Variants in GRID2 observed in about 807,000 individuals in gnomAD.
GRID2 encodes glutamate ionotropic receptor delta type subunit 2.
Under a neutral mutation model 114.8 loss-of-function variants are expected in GRID2, and 33 were observed. The ratio of observed to expected loss-of-function variants is 0.29; its 90% CI spans 0.22 to 0.38. The LOEUF is 0.38. Ranked by LOEUF, GRID2 falls within the 10% of genes least tolerant of loss-of-function variation. The pLI is 1.00. For synonymous variants in GRID2, 505 were observed against 449.9 expected (o/e 1.12, Z -1.55); for missense variants, 1,184 against 1,257.7 (o/e 0.94, Z 0.89).
At chr4:93,199,004 T>C (rs997059765) in intron 4 of GRID2, among the ~76,000 whole-genome samples, 6 of 152,266 alleles carry the variant, frequency 3.9e-5, no homozygotes, top group African/African-American at 1.4e-4. Context: ...CTGCCAAGGG[T>C]CATTTAGCTA....
chr4:93,068,898 A>G (rs897263528), intron 2 of GRID2, among the ~76,000 whole-genome samples: 3 of 152,064 alleles, frequency 2.0e-5, no homozygotes, highest in African/African-American at 7.2e-5. Context: ...CAGGCTATAC[A>G]GGAAGCATGA....
At chr4:92,411,655 G>GTGTATA in intron 1 of GRID2, among the ~76,000 whole-genome samples, 5 of 84,688 alleles carry the variant, frequency 5.9e-5, no homozygotes, top group African/African-American at 1.8e-4. Context: ...GTGTGTGTGT[G>GTGTATA]TATATATATA....
chr4:93,384,311 A>G (rs1764124124), intron 8 of GRID2, among the ~76,000 whole-genome samples: 1 of 152,136 alleles, frequency 6.6e-6, no homozygotes. Context: ...TTGAAAGAAG[A>G]ATGGTATGTG....
At chr4:93,660,208 TA>T (rs1177187810) in intron 14 of GRID2, among the ~76,000 whole-genome samples, 1 of 152,196 alleles carries the variant, frequency 6.6e-6, no homozygotes, top group Non-Finnish European at 1.5e-5. Context: ...TAATGTCAGT[TA>T]AAATGCTATC....
At chr4:93,744,258 A>T (rs1284645316) in intron 14 of GRID2, among the ~76,000 whole-genome samples, 2 of 152,182 alleles carry the variant, frequency 1.3e-5, no homozygotes, top group African/African-American at 4.8e-5. Flanking sequence ...AGTAGTTTTG[A>T]CTTCCAAGTC....
At chr4:93,769,169 C>T (rs779842144) in intron 14 of GRID2, 41 bp from the exon 15 acceptor site, 2 of 1,606,174 alleles carry the variant, frequency 1.2e-6, no homozygotes, top group East Asian at 2.2e-5. Flanking sequence ...AGGGCGATAA[C>T]TATGTCTGTA....
chr4:92,882,951 C>T (rs1159952154), intron 2 of GRID2, among the ~76,000 whole-genome samples: 5 of 152,110 alleles, frequency 3.3e-5, no homozygotes, highest in Non-Finnish European at 7.4e-5. Flanking sequence ...TGCTGAAGGT[C>T]GGGGTGGCTG....
Position 92,818,806 on chromosome 4 carries a change from G to A in GRID2, c.244+228520G>A, listed in dbSNP as rs113936689. The stretch of plus-strand genomic sequence containing the variant: ...ATATACTCAATGAATTTCTGCCTAT[G>A]GACAACTACCCTTTTGCAATACTTA... On this transcript the variant is annotated intron_variant, in intron 2 of 15. Transcript: ENST00000282020. Among the ~76,000 whole-genome samples, 1,286 of 152,064 alleles carry A rather than the reference G, an allele frequency of 8.5e-3. 21 individuals carry two copies. The highest frequency in any genetic ancestry group is 0.027 in the African/African-American group (1,106 of 41,488).
chr4:93,377,092 A>T (rs1022385415), intron 8 of GRID2, among the ~76,000 whole-genome samples: 1 of 152,334 alleles, frequency 6.6e-6, no homozygotes. Flanking sequence ...ATAATATTGT[A>T]TAATGTCTGC....
chr4:93,443,900 T>TGA (rs35019748), intron 10 of GRID2, among the ~76,000 whole-genome samples: 32 of 150,608 alleles, frequency 2.1e-4, no homozygotes, highest in African/African-American at 5.6e-4. Flanking sequence ...GCAAGTAAGT[T>TGA]GAGAGAGAGA....
chr4:92,750,929 T>G (rs567481416), intron 2 of GRID2, among the ~76,000 whole-genome samples: 1 of 152,306 alleles, frequency 6.6e-6, no homozygotes, highest in African/African-American at 2.4e-5. Flanking sequence ...ATTGTATCAA[T>G]CAAATATAAA....
At chr4:92,452,747 G>C (rs1720991155) in intron 1 of GRID2, among the ~76,000 whole-genome samples, 1 of 151,160 alleles carries the variant, frequency 6.6e-6, no homozygotes, top group South Asian at 2.1e-4. Context: ...CTTAATAATA[G>C]TTTGTGAATT....
intron 2 of GRID2, among the ~76,000 whole-genome samples, chr4:93,046,659 T>C (rs1393913402): frequency 1.3e-5 from 2 of 151,966 alleles, no homozygotes; most frequent in African/African-American, 2.4e-5. Context: ...AAGGAAACAC[T>C]TCCCCATCTT....
Position 93,439,171 on chromosome 4 carries a change from G to A in GRID2, c.1545+16203G>A, listed in dbSNP as rs531679471. Among the ~76,000 whole-genome samples, 3 of 152,238 alleles carry A rather than the reference G, an allele frequency of 2.0e-5. No homozygotes were observed. The East Asian group carries it at 5.8e-4, about 30-fold the overall frequency. On this transcript the variant is annotated intron_variant, in intron 10 of 15. Transcript: ENST00000282020. ...TGTGCATGTGTCTTTATAGCAGCAT[G>A]ATTTACAATCCTTTGGGTATATACC...
intron 13 of GRID2, among the ~76,000 whole-genome samples, chr4:93,530,575 G>T (rs1397228825): frequency 6.6e-6 from 1 of 151,944 alleles, no homozygotes; most frequent in Non-Finnish European, 1.5e-5. Context: ...TACCTCAGTT[G>T]TACTATGATG....
chr4:92,763,274 T>C (rs994806166), intron 2 of GRID2, among the ~76,000 whole-genome samples: 1 of 152,168 alleles, frequency 6.6e-6, no homozygotes, highest in East Asian at 1.9e-4. Context: ...TGAAAAACTA[T>C]GCACAAAGCC....
intron 14 of GRID2, among the ~76,000 whole-genome samples, chr4:93,681,139 GACAA>G (rs1179443086): frequency 6.6e-6 from 1 of 151,234 alleles, no homozygotes; most frequent in Admixed American, 6.6e-5. Flanking sequence ...ACCAATAACA[GACAA>G]ACAGAGCGAA....
rs141263371 is a variant in GRID2, at chr4:92,858,071, C to A, written c.245-226924C>A. On this transcript the variant is annotated intron_variant, in intron 2 of 15. Transcript: ENST00000282020. Reference sequence around the variant, plus strand: ...TTTTGGAGACATAGTGTTCAGAAAACAAAATTCCTTTCAAATTATGTCTGC... The same window carrying A: ...TTTTGGAGACATAGTGTTCAGAAAAAAAAATTCCTTTCAAATTATGTCTGC... Among the ~76,000 whole-genome samples the A allele has an allele frequency of 6.4e-3, 968 of 152,268 alleles. 12 individuals carry two copies. The highest frequency in any genetic ancestry group is 0.022 in the African/African-American group (929 of 41,552).
intron 2 of GRID2, among the ~76,000 whole-genome samples, chr4:92,919,957 T>A (rs1259736839): frequency 6.6e-6 from 1 of 152,184 alleles, no homozygotes; most frequent in Non-Finnish European, 1.5e-5. Context: ...GGTGTTAAAG[T>A]CTTCCGTTAT....
Sources: gnomAD v4.1 joint callset for allele counts (sites outside exome capture counted in the v4.1 genomes callset) on GRCh38, gnomAD v4.1.1 for gene constraint, MANE v1.5 for transcripts, NCBI Gene and HGNC (gene_info 2026-07-23, HGNC 2026-07-21) for gene names.